Variants in PCMT1 observed in about 807,000 individuals in gnomAD.
PCMT1 encodes protein-L-isoaspartate(D-aspartate) O-methyltransferase.
In PCMT1, 9 loss-of-function variants were observed where a neutral mutation model predicts 29.2. The ratio of observed to expected loss-of-function variants is 0.31; its 90% CI spans 0.19 to 0.54. The LOEUF (loss-of-function observed/expected upper bound fraction) is 0.54, where lower values mean the gene tolerates loss of function less well. Among genes scored for constraint, PCMT1 ranks in the 20% least tolerant of loss-of-function variants. PCMT1 has a pLI of 0.95. For missense variants in PCMT1, 184 were observed against 282.2 expected (o/e 0.65, Z 2.49); for synonymous variants, 98 against 97.5 (o/e 1.00, Z -0.03).
chr6:149,756,532 T>A (rs958433573), intron 1 of PCMT1, among the ~76,000 whole-genome samples: 1 of 142,790 alleles, frequency 7.0e-6, no homozygotes, highest in Admixed American at 7.0e-5. Context: ...TTTTTTTTTT[T>A]TTTTTTTTTT....
intron 1 of PCMT1, among the ~76,000 whole-genome samples, chr6:149,751,014 C>T (rs1786291712): frequency 1.3e-5 from 2 of 152,058 alleles, no homozygotes; most frequent in Non-Finnish European, 2.9e-5. Context: ...ACGGCTGGCA[C>T]CATTAAAAAA....
At chr6:149,766,094 C>G (rs1327869053) in intron 1 of PCMT1, among the ~76,000 whole-genome samples, 1 of 151,510 alleles carries the variant, frequency 6.6e-6, no homozygotes, top group Non-Finnish European at 1.5e-5. Context: ...TTTCCTCCTC[C>G]CATTGTTTTT....
chr6:149,764,756 T>G (rs1786999870), intron 1 of PCMT1, among the ~76,000 whole-genome samples: 1 of 149,356 alleles, frequency 6.7e-6, no homozygotes, highest in Non-Finnish European at 1.5e-5. Flanking sequence ...AATTAAAAAA[T>G]GGGGCCAGGC....
At chr6:149,752,381 T>C (rs530027623) in intron 1 of PCMT1, among the ~76,000 whole-genome samples, 6 of 151,994 alleles carry the variant, frequency 3.9e-5, no homozygotes, top group Admixed American at 3.9e-4. Context: ...GTATTTTTAG[T>C]AGAAACGGGG....
At chr6:149,768,093 CTGTT>C (rs1185761369) in intron 1 of PCMT1, among the ~76,000 whole-genome samples, 5 of 150,450 alleles carry the variant, frequency 3.3e-5, no homozygotes, top group Admixed American at 1.3e-4. Context: ...CATGCCCGAC[CTGTT>C]TGTTTGTGTT....
intron 3 of PCMT1, among the ~76,000 whole-genome samples, chr6:149,786,990 T>C (rs1423216456): frequency 1.6e-5 from 2 of 125,800 alleles, no homozygotes; most frequent in African/African-American, 7.5e-5. Context: ...CTGGGCACCA[T>C]TGAGCACTGA....
intron 1 of PCMT1, among the ~76,000 whole-genome samples, chr6:149,769,081 C>T (rs941292539): frequency 6.6e-6 from 1 of 151,964 alleles, no homozygotes; most frequent in Non-Finnish European, 1.5e-5. Flanking sequence ...TACTGGTTTT[C>T]TTTAATCAGC....
chr6:149,795,325 A>G (rs966231107), intron 5 of PCMT1: 1 of 393,902 alleles, frequency 2.5e-6, no homozygotes, highest in Non-Finnish European at 4.9e-6. Flanking sequence ...CATTAGCAGT[A>G]CTGGGAACAG....
chr6:149,777,098 CCTGGTA>C (rs1319313101), intron 3 of PCMT1, among the ~76,000 whole-genome samples: 1 of 152,086 alleles, frequency 6.6e-6, no homozygotes, highest in Non-Finnish European at 1.5e-5. Context: ...GGGGGTATGT[CCTGGTA>C]AACCCATCAT....
rs771198354 is a variant in PCMT1 at position 149,765,678 on chromosome 6, AT to A, written c.56-5477del. On this transcript the variant is annotated intron_variant, in intron 1 of 7. Coordinates refer to ENST00000464889, the MANE Select transcript of PCMT1 (RefSeq NM_001360452.2). ...TTTTATTTTTTATTTTTTATTTTTT[AT>A]TTTTTTGCTAGGCATGATGGCTCAT... The A allele has an allele frequency of 3.6e-5, 13 of 365,706 alleles. 1 individual carries two copies. The highest frequency in any genetic ancestry group is 1.7e-4 in the South Asian group (8 of 48,296). The allele number at this position is 365,706 out of a possible 1,614,324, so 22.7% of individuals were successfully genotyped here.
chr6:149,791,079 C>T (rs1788350074), intron 4 of PCMT1, among the ~76,000 whole-genome samples: 1 of 152,146 alleles, frequency 6.6e-6, no homozygotes, highest in South Asian at 2.1e-4. Flanking sequence ...ACTCAGAATT[C>T]TACTTCCTTG....
At chr6:149,785,325 T>C (rs62441330) in intron 3 of PCMT1, among the ~76,000 whole-genome samples, 2,971 of 112,378 alleles carry the variant, frequency 0.026, no homozygotes, top group Admixed American at 0.056. Context: ...GCATTTTCGT[T>C]CTATCTTTCT....
At chr6:149,759,925 G>T (rs1418121810) in intron 1 of PCMT1, among the ~76,000 whole-genome samples, 1 of 152,122 alleles carries the variant, frequency 6.6e-6, no homozygotes, top group African/African-American at 2.4e-5. Context: ...ACTGTCATCA[G>T]ATTAACTCAG....
chr6:149,797,173 G>A (rs1286806300), intron 6 of PCMT1: 4 of 152,148 alleles, frequency 2.6e-5, no homozygotes, highest in Non-Finnish European at 5.9e-5. Context: ...TGGGAGATAT[G>A]AGAAAGTATT....
At chr6:149,786,744 A>G (rs1420719715) in intron 3 of PCMT1, among the ~76,000 whole-genome samples, 22 of 147,494 alleles carry the variant, frequency 1.5e-4, no homozygotes, top group African/African-American at 5.6e-4. Context: ...CGCTCCCCAC[A>G]TCTCAGACGA....
chr6:149,759,504 T>G (rs996733013), intron 1 of PCMT1, among the ~76,000 whole-genome samples: 1 of 151,916 alleles, frequency 6.6e-6, no homozygotes, highest in Non-Finnish European at 1.5e-5. Flanking sequence ...TCTTTCTTTC[T>G]TTTTTTTGAG....
At chr6:149,775,523 A>G (rs1050688558) in intron 3 of PCMT1, among the ~76,000 whole-genome samples, 10 of 151,884 alleles carry the variant, frequency 6.6e-5, no homozygotes, top group African/African-American at 2.4e-4. Flanking sequence ...CTGGGCAACA[A>G]AGCAAGACTC....
intron 1 of PCMT1, among the ~76,000 whole-genome samples, chr6:149,757,190 T>C (rs1451232507): frequency 6.6e-6 from 1 of 152,074 alleles, no homozygotes; most frequent in African/African-American, 2.4e-5. Flanking sequence ...AAAATTTATA[T>C]CTTTAGTCAT....
intron 3 of PCMT1, among the ~76,000 whole-genome samples, chr6:149,783,194 G>T (rs531406676): frequency 6.6e-6 from 1 of 151,898 alleles, no homozygotes; most frequent in Middle Eastern, 3.4e-3. Flanking sequence ...ATGCAGTGGC[G>T]TGATCTTGGC....
Sources: allele counts gnomAD v4.1 joint callset (sites outside exome capture counted in the v4.1 genomes callset), GRCh38; gene constraint gnomAD v4.1.1; transcripts MANE v1.5; gene names NCBI Gene and HGNC (gene_info 2026-07-23, HGNC 2026-07-21).